JAKMIP3: variants seen among roughly 807,000 people sequenced by gnomAD.
JAKMIP3 encodes Janus kinase and microtubule interacting protein 3, also known as janus kinase and microtubule-interacting protein 3.
JAKMIP3 carries 58 observed loss-of-function variants against 118.5 expected under a neutral mutation model. The observed-to-expected ratio is 0.49, with a 90% CI of 0.40 to 0.61. The LOEUF is 0.61. JAKMIP3 is among the 20% of genes least tolerant of loss of function. JAKMIP3 has a pLI of 0.00. For synonymous variants in JAKMIP3, 486 were observed against 451.2 expected (o/e 1.08, Z -0.98); for missense variants, 950 against 1,109.0 (o/e 0.86, Z 2.04).
rs1270866595 is a variant in JAKMIP3 at position 132,082,155 on chromosome 10, G to A, written c.-138+16094G>A. 4.3e-5 allele frequency among the ~76,000 whole-genome samples: 4 copies of A among 93,534 alleles called. No homozygotes were observed. In the Admixed American group the frequency reaches 5.3e-4, roughly 12 times the overall value. 61.4% of individuals were successfully genotyped at this position (93,534 alleles called of 152,430 possible). A position where few individuals can be genotyped will look rare whatever the true frequency, so the allele number is the denominator to read the frequency against. On this transcript the variant is annotated intron_variant, in intron 1 of 23. Coordinates refer to ENST00000684848, the MANE Select transcript of JAKMIP3 (RefSeq NM_001323087.2). ...AATTCTTGATTAGATGCCAGACATT[G>A]GGCATTGTTTGTTTGGGGGGGGGGG...
chr10:132,126,019 C>T (rs866405847), intron 3 of JAKMIP3, among the ~76,000 whole-genome samples: 38 of 152,288 alleles, frequency 2.5e-4, no homozygotes, highest in African/African-American at 7.0e-4. Context: ...TCCCGCCTCA[C>T]GTCCCAAAGT....
chr10:132,042,226 C>CTTCCTTCCTTCCTTCCTTCCT (rs1564848173), intron 1 of JAKMIP3, among the ~76,000 whole-genome samples: 1 of 146,804 alleles, frequency 6.8e-6, no homozygotes, highest in Non-Finnish European at 1.5e-5. Flanking sequence ...TTCTTTCCTC[C>CTTCCTTCCTTCCTTCCTTCCT]TCCTCCTTTC....
chr10:132,116,913 A>ATTG (rs2047766859), intron 2 of JAKMIP3, among the ~76,000 whole-genome samples, 164 bp from the exon 3 acceptor site: 1 of 145,186 alleles, frequency 6.9e-6, no homozygotes. Context: ...AAGCTCCCCC[A>ATTG]AATGCACATT....
At position 132,112,038 on chromosome 10, in the gene JAKMIP3, A is replaced by G. The variant is rs557136393; in HGVS notation, c.136-5039A>G. The stretch of plus-strand genomic sequence containing the variant: ...CCAGGAGGTGTTGGCAGGCGGGGGT[A>G]GAGCGTGCGGGTGGACGGTGCATGG... On this transcript the variant is annotated intron_variant, in intron 2 of 23. Transcript: ENST00000684848. The surrounding 1 kb of genome is among the most constrained non-coding windows in gnomAD (Gnocchi z 4.3). Among the ~76,000 whole-genome samples, 138 of 152,144 alleles carry G rather than the reference A, an allele frequency of 9.1e-4. 5 individuals carry two copies. The South Asian group carries it at 0.028, about 30-fold the overall frequency.
chr10:132,121,046 G>A (rs78296999), intron 3 of JAKMIP3, among the ~76,000 whole-genome samples: 1,628 of 152,320 alleles, frequency 0.011, 24 homozygotes, highest in African/African-American at 0.037. Flanking sequence ...TCGGAACAGG[G>A]CTGGGACAGA....
At chr10:132,165,453 C>T (rs533895960) in intron 21 of JAKMIP3, among the ~76,000 whole-genome samples, 2 of 152,302 alleles carry the variant, frequency 1.3e-5, no homozygotes, top group East Asian at 1.9e-4. Context: ...CTCCCGACCC[C>T]CAGCTCAGAG....
At chr10:132,159,001 G>A (rs1589982474) in intron 19 of JAKMIP3, among the ~76,000 whole-genome samples, 1 of 86,646 alleles carries the variant, frequency 1.2e-5, no homozygotes, top group Non-Finnish European at 2.3e-5. Flanking sequence ...GATGCTGGGG[G>A]GGGGCCTCTC....
At chr10:132,180,538 T>TGC (rs1394856747) in intron 23 of JAKMIP3, among the ~76,000 whole-genome samples, 12 of 27,226 alleles carry the variant, frequency 4.4e-4, no homozygotes, top group East Asian at 3.7e-3. Context: ...TGTGTGTGTG[T>TGC]GTGTGTGCGT....
intron 1 of JAKMIP3, among the ~76,000 whole-genome samples, chr10:132,083,311 T>A (rs1454056007): frequency 6.6e-6 from 1 of 152,228 alleles, no homozygotes; most frequent in African/African-American, 2.4e-5. Flanking sequence ...TTCATATGTT[T>A]GTTGGCCATT....
In JAKMIP3 at chr10:132,109,093, C is replaced by CACAT. The variant is rs1554933694; in HGVS notation, c.135+4151_135+4152insCATA. On this transcript the variant is annotated intron_variant, in intron 2 of 23. Coordinates refer to ENST00000684848, the MANE Select transcript of JAKMIP3 (RefSeq NM_001323087.2). ...ACACATACACATATATATACACACA[C>CACAT]ATATATATATACACACACACATATA... Among the ~76,000 whole-genome samples, 791 of 138,864 alleles carry CACAT rather than the reference C, an allele frequency of 5.7e-3. 32 individuals are homozygous for CACAT. Among genetic ancestry groups the CACAT allele is most frequent in the African/African-American group, 0.015 (519 of 35,660 alleles). 91.1% of individuals were successfully genotyped at this position (138,864 alleles called of 152,430 possible).
intron 1 of JAKMIP3, among the ~76,000 whole-genome samples, chr10:132,097,903 T>TTCCCTTCCTTCCTTTTCTTTTC (rs2044142657): frequency 1.6e-4 from 12 of 72,874 alleles, no homozygotes; most frequent in Non-Finnish European, 3.0e-4. Flanking sequence ...CCCCTTCCCC[T>TTCCCTTCCTTCCTTTTCTTTTC]TCCCCTTCCC....
Position 132,137,155 on chromosome 10 carries a change from C to T in JAKMIP3, c.1248+5C>T, listed in dbSNP as rs1324512663. ...CTCATAGATGAACTGTCTAAGGTAC[C>T]CGGCGGGCTGTTTGCTGCGGCCCCG... On this transcript the variant is annotated splice_donor_5th_base_variant and intron_variant, in intron 7 of 23. Transcript: ENST00000684848. The T allele has an allele frequency of 6.2e-7, 1 of 1,613,744 alleles. No homozygotes were observed. The highest frequency in any genetic ancestry group is 1.3e-5 in the African/African-American group (1 of 74,930).
At chr10:132,146,327 C>T (rs2054604429) in intron 13 of JAKMIP3, among the ~76,000 whole-genome samples, 1 of 152,142 alleles carries the variant, frequency 6.6e-6, no homozygotes, top group Non-Finnish European at 1.5e-5. Context: ...CTCAGCTGCT[C>T]CCTGCACTGG....
chr10:132,153,942 G>A lies in JAKMIP3; in HGVS notation c.2172G>A (p.Leu724=), dbSNP rs1564972692. 6.2e-7 allele frequency: 1 copy of A among 1,613,138 alleles called. No individual in the cohort carries two copies. The highest frequency in any genetic ancestry group is 1.1e-5 in the South Asian group (1 of 91,084). ...KELFSKQKGY[L]DEELDYRKQA... ...TGTTCAGTAAGCAGAAGGGCTACCT[G>A]GACGAGGAGCTGGACTACCGGAAAC... The change falls in exon 19 of 24, where the codon CTG becomes CTA. Residue 724 remains leucine (L), a synonymous_variant. Coordinates refer to ENST00000684848, the MANE Select transcript of JAKMIP3 (RefSeq NM_001323087.2).
chr10:132,045,146 G>A (rs1044587154), intron 1 of JAKMIP3, among the ~76,000 whole-genome samples: 14 of 152,080 alleles, frequency 9.2e-5, no homozygotes, highest in South Asian at 2.1e-4. Flanking sequence ...AGCCGTGCAC[G>A]AGCGTTCCAG....
At chr10:132,142,234 T>C (rs1454439859) in intron 11 of JAKMIP3, among the ~76,000 whole-genome samples, 186 bp downstream of exon 11, 1 of 152,098 alleles carries the variant, frequency 6.6e-6, no homozygotes, top group South Asian at 2.1e-4. Flanking sequence ...ATCCCGGTGC[T>C]GGGAGTTGGC....
chr10:132,089,811 A>T (rs1031178440), intron 1 of JAKMIP3, among the ~76,000 whole-genome samples: 7 of 152,004 alleles, frequency 4.6e-5, no homozygotes, highest in African/African-American at 1.7e-4. Context: ...ATGCTTCCAG[A>T]TTTTGCCCAT....
chr10:132,100,376 C>T (rs2044659487), intron 1 of JAKMIP3, among the ~76,000 whole-genome samples: 1 of 152,184 alleles, frequency 6.6e-6, no homozygotes, highest in African/African-American at 2.4e-5. Flanking sequence ...GGTGTCTGGG[C>T]CACCACCAGC....
chr10:132,120,663 G>A (rs1045176497), intron 3 of JAKMIP3, among the ~76,000 whole-genome samples: 2 of 152,252 alleles, frequency 1.3e-5, no homozygotes, highest in Non-Finnish European at 2.9e-5. Context: ...CTGTGGTGAT[G>A]GAGCTTCTGG....
Sources: allele counts gnomAD v4.1 joint callset (sites outside exome capture counted in the v4.1 genomes callset), GRCh38; gene constraint gnomAD v4.1.1; non-coding constraint Gnocchi (gnomAD v3.1); transcripts MANE v1.5; gene names NCBI Gene and HGNC (gene_info 2026-07-23, HGNC 2026-07-21).